The following LINGO2 variants were observed in gnomAD, a reference collection of about 807,000 sequenced individuals.
The protein encoded by LINGO2 is leucine rich repeat and Ig domain containing 2, also known as leucine-rich repeat and immunoglobulin-like domain-containing nogo receptor-interacting protein 2.
LINGO2 carries 14 observed loss-of-function variants against 30.6 expected under a neutral mutation model. That is an observed-to-expected ratio of 0.46 (90% CI 0.30 to 0.72). The LOEUF (loss-of-function observed/expected upper bound fraction) is 0.72. Ranked by LOEUF, LINGO2 falls within the 30% of genes least tolerant of loss-of-function variation. The pLI is 0.07. For synonymous variants in LINGO2, 317 were observed against 288.5 expected (o/e 1.10, Z -1.00); for missense variants, 729 against 751.7 (o/e 0.97, Z 0.35).
chr9:28,221,387 T>C (rs1820962803), intron 4 of LINGO2, among the ~76,000 whole-genome samples: 1 of 151,778 alleles, frequency 6.6e-6, no homozygotes, highest in South Asian at 2.1e-4. Flanking sequence ...ATAATGAATG[T>C]TAATTAGCTA....
intron 4 of LINGO2, among the ~76,000 whole-genome samples, chr9:28,213,752 A>C (rs1246517643): frequency 6.6e-6 from 1 of 151,536 alleles, no homozygotes; most frequent in Non-Finnish European, 1.5e-5. Flanking sequence ...CAGTGGTTAT[A>C]TATTTATTTT....
chr9:28,009,616 TCAA>T (rs1822454047), intron 5 of LINGO2, among the ~76,000 whole-genome samples: 1 of 152,108 alleles, frequency 6.6e-6, no homozygotes, highest in Non-Finnish European at 1.5e-5. Flanking sequence ...AAAAAAATAT[TCAA>T]CATCATTAGC....
intron 4 of LINGO2, among the ~76,000 whole-genome samples, chr9:28,252,501 AG>A (rs1328726842): frequency 6.6e-6 from 1 of 152,156 alleles, no homozygotes; most frequent in African/African-American, 2.4e-5. Flanking sequence ...CTGGGATTAC[AG>A]GTAGGAACCA....
intron 1 of LINGO2, among the ~76,000 whole-genome samples, chr9:28,582,111 T>C (rs777748171): frequency 1.3e-5 from 2 of 152,016 alleles, no homozygotes; most frequent in Non-Finnish European, 2.9e-5. Flanking sequence ...CTGCTTTTTA[T>C]TGATAAATTA....
At chr9:28,142,971 T>C (rs1396287684) in intron 4 of LINGO2, among the ~76,000 whole-genome samples, 1 of 152,162 alleles carries the variant, frequency 6.6e-6, no homozygotes, top group East Asian at 1.9e-4. Flanking sequence ...AGTTTTGTTA[T>C]TGAAAAGTCT....
intron 3 of LINGO2, among the ~76,000 whole-genome samples, chr9:28,298,831 T>G (rs1418445233): frequency 6.6e-6 from 1 of 152,184 alleles, no homozygotes; most frequent in African/African-American, 2.4e-5. Context: ...GATTGATAAA[T>G]CACTGTTGTA....
chr9:29,182,890 T>G, the LINGO2 span, among the ~76,000 whole-genome samples: 201 of 152,218 alleles, frequency 1.3e-3, 1 homozygote, highest in African/African-American at 4.6e-3. Context: ...TCCACCAAAA[T>G]TAGCAGACCA....
At chr9:28,523,265 A>T in intron 1 of LINGO2, among the ~76,000 whole-genome samples, 1 of 152,142 alleles carries the variant, frequency 6.6e-6, no homozygotes, top group Non-Finnish European at 1.5e-5. Flanking sequence ...AAAAATTAAC[A>T]TGCTTTCATG....
chr9:28,041,404 T>C (rs1411651430), intron 4 of LINGO2, among the ~76,000 whole-genome samples: 1 of 152,140 alleles, frequency 6.6e-6, no homozygotes, highest in East Asian at 1.9e-4. Context: ...CCTGTGTGCT[T>C]CTGTGTATAA....
intron 4 of LINGO2, among the ~76,000 whole-genome samples, chr9:28,149,594 G>A (rs2133545371): frequency 6.7e-6 from 1 of 149,570 alleles, no homozygotes; most frequent in East Asian, 2.0e-4. Flanking sequence ...CCGCCGCCCT[G>A]TCTGGGAAGT....
the LINGO2 span, among the ~76,000 whole-genome samples, chr9:29,066,752 C>T: frequency 6.6e-6 from 1 of 151,906 alleles, no homozygotes. Flanking sequence ...TGTATAGTAC[C>T]AATTTAAGAC....
At chr9:28,797,486 T>C in the LINGO2 span, among the ~76,000 whole-genome samples, 2 of 150,842 alleles carry the variant, frequency 1.3e-5, no homozygotes, top group Non-Finnish European at 3.0e-5. Flanking sequence ...CTGTTAGATA[T>C]TGGATGTATT....
chr9:28,948,638 G>A, the LINGO2 span, among the ~76,000 whole-genome samples: 1 of 151,880 alleles, frequency 6.6e-6, no homozygotes, highest in Non-Finnish European at 1.5e-5. Flanking sequence ...TATTTGCCAG[G>A]CTAGGTCTAT....
At chr9:28,825,777 G>A in the LINGO2 span, among the ~76,000 whole-genome samples, 1 of 152,022 alleles carries the variant, frequency 6.6e-6, no homozygotes, top group Admixed American at 6.6e-5. Context: ...GAAGTAAAAC[G>A]TTGTAGCCAC....
chr9:28,032,043 G>A (rs1032306235), intron 4 of LINGO2, among the ~76,000 whole-genome samples: 4 of 101,174 alleles, frequency 4.0e-5, no homozygotes, highest in Non-Finnish European at 6.1e-5. Context: ...ATGAGGGGTG[G>A]GGGGGGAAAG....
chr9:28,774,701 C>A, the LINGO2 span, among the ~76,000 whole-genome samples: 1 of 152,082 alleles, frequency 6.6e-6, no homozygotes, highest in Non-Finnish European at 1.5e-5. Flanking sequence ...AGCTAATTTA[C>A]AATCCAATAT....
the LINGO2 span, among the ~76,000 whole-genome samples, chr9:29,118,656 A>G: frequency 1.3e-5 from 2 of 152,020 alleles, no homozygotes; most frequent in South Asian, 4.1e-4. Context: ...AGCAGCCCCA[A>G]CCCGGACTCA....
the LINGO2 span, among the ~76,000 whole-genome samples, chr9:28,715,814 G>T: frequency 6.6e-6 from 1 of 151,812 alleles, no homozygotes; most frequent in Non-Finnish European, 1.5e-5. Context: ...AGAAAGAAAA[G>T]AACTAAAGGT....
chr9:29,177,735 G>A, the LINGO2 span, among the ~76,000 whole-genome samples: 1 of 151,860 alleles, frequency 6.6e-6, no homozygotes, highest in East Asian at 1.9e-4. Context: ...GAATATTTAG[G>A]TTGAGGATAA....
Sources: allele counts gnomAD v4.1 joint callset (sites outside exome capture counted in the v4.1 genomes callset), GRCh38; gene constraint gnomAD v4.1.1; transcripts MANE v1.5; gene names NCBI Gene and HGNC (gene_info 2026-07-23, HGNC 2026-07-21).